Variants in NXPE2 observed in about 807,000 individuals in gnomAD.
The protein encoded by NXPE2 is neurexophilin and PC-esterase domain family member 2, also known as NXPE family member 2.
NXPE2 carries 34 observed loss-of-function variants against 34.4 expected under a neutral mutation model. That is an observed-to-expected ratio of 0.99 (90% CI 0.75 to 1.31). The LOEUF is 1.31. NXPE2 is among the 40% of genes most tolerant of loss of function. The pLI is 0.00. For missense variants in NXPE2, 649 were observed against 672.5 expected, an observed-to-expected ratio of 0.97 and a Z score of 0.39; for synonymous variants, 235 against 231.3, an observed-to-expected ratio of 1.02 and a Z score of -0.15.
At chr11:114,686,341 T>C (rs556157951) in intron 2 of NXPE2, among the ~76,000 whole-genome samples, 14 of 152,268 alleles carry the variant, frequency 9.2e-5, no homozygotes, top group Admixed American at 5.9e-4. Flanking sequence ...AACGTTTAGC[T>C]CTCACTTATA....
chr11:114,658,275 A>G, the NXPE2 span, among the ~76,000 whole-genome samples: 1 of 152,242 alleles, frequency 6.6e-6, no homozygotes, highest in Non-Finnish European at 1.5e-5. Flanking sequence ...ATGAACTGCC[A>G]TATAAACAGG....
the NXPE2 span, chr11:114,581,767 T>C: frequency 6.2e-7 from 1 of 1,610,714 alleles, no homozygotes; most frequent in Non-Finnish European, 8.5e-7. Flanking sequence ...TTTTCCATAA[T>C]CTCTACACCC....
the NXPE2 span, among the ~76,000 whole-genome samples, chr11:114,505,387 T>C: frequency 1.1e-4 from 16 of 152,074 alleles, no homozygotes; most frequent in African/African-American, 3.6e-4. Flanking sequence ...CCCAGTAAAA[T>C]ACTTCACAAA....
chr11:114,535,416 A>G, the NXPE2 span, among the ~76,000 whole-genome samples: 25 of 152,218 alleles, frequency 1.6e-4, no homozygotes, highest in Non-Finnish European at 5.9e-5. Context: ...GACAGGATCA[A>G]ATTCACACAT....
the NXPE2 span, among the ~76,000 whole-genome samples, chr11:114,596,680 A>G: frequency 6.6e-6 from 1 of 152,084 alleles, no homozygotes; most frequent in Admixed American, 6.6e-5. Flanking sequence ...TAAATTTTTC[A>G]CTGAGGAGCC....
the NXPE2 span, among the ~76,000 whole-genome samples, chr11:114,763,209 A>G: frequency 6.6e-6 from 1 of 152,114 alleles, no homozygotes; most frequent in Non-Finnish European, 1.5e-5. Flanking sequence ...GACTTCTACT[A>G]TTTGTTCCCT....
At chr11:114,480,046 A>T in the NXPE2 span, among the ~76,000 whole-genome samples, 1 of 152,124 alleles carries the variant, frequency 6.6e-6, no homozygotes, top group African/African-American at 2.4e-5. Flanking sequence ...TGGGGAGCAC[A>T]CCAAGCCATT....
chr11:114,489,007 T>TA, the NXPE2 span, among the ~76,000 whole-genome samples: 1 of 151,898 alleles, frequency 6.6e-6, no homozygotes, highest in Non-Finnish European at 1.5e-5. Context: ...ATAGACGCAA[T>TA]AAAAAATGAC....
At chr11:114,792,311 C>G in the NXPE2 span, among the ~76,000 whole-genome samples, 3 of 152,106 alleles carry the variant, frequency 2.0e-5, no homozygotes, top group African/African-American at 7.2e-5. Flanking sequence ...AGAGCTGTCT[C>G]CTTGGGTTTT....
chr11:114,501,317 G>A, the NXPE2 span, among the ~76,000 whole-genome samples: 1 of 152,110 alleles, frequency 6.6e-6, no homozygotes. Flanking sequence ...ATTGCTCTAA[G>A]CACTACCCCT....
intron 2 of NXPE2, among the ~76,000 whole-genome samples, chr11:114,684,621 A>C (rs1401817093): frequency 6.6e-6 from 1 of 152,070 alleles, no homozygotes; most frequent in African/African-American, 2.4e-5. Context: ...GCACATGGGA[A>C]GGAAGAGGAC....
At chr11:114,704,121 A>C in intron 4 of NXPE2, 69 bp downstream of exon 4, 1 of 1,127,548 alleles carries the variant, frequency 8.9e-7, no homozygotes, top group South Asian at 1.4e-5. Context: ...TTACTTAGAG[A>C]TATTTATTCC....
the NXPE2 span, among the ~76,000 whole-genome samples, chr11:114,722,326 A>G: frequency 1.3e-5 from 2 of 152,114 alleles, no homozygotes; most frequent in South Asian, 4.2e-4. Context: ...GGCTGCCACC[A>G]TGTAATACAT....
the NXPE2 span, chr11:114,552,182 G>C: frequency 6.6e-6 from 1 of 152,132 alleles, no homozygotes; most frequent in Non-Finnish European, 1.5e-5. Flanking sequence ...ACAAGATATA[G>C]TACACAGTTG....
the NXPE2 span, among the ~76,000 whole-genome samples, chr11:114,622,718 G>A: frequency 4.0e-5 from 6 of 150,440 alleles, no homozygotes; most frequent in Admixed American, 6.6e-5. Context: ...TGGATAATAC[G>A]TGTTCCCTCG....
the NXPE2 span, chr11:114,518,220 G>T: frequency 6.6e-6 from 1 of 152,174 alleles, no homozygotes; most frequent in East Asian, 1.9e-4. Flanking sequence ...GAATCACTGT[G>T]CTCAGCAACA....
chr11:114,603,196 G>A, the NXPE2 span, among the ~76,000 whole-genome samples: 2 of 151,662 alleles, frequency 1.3e-5, no homozygotes, highest in African/African-American at 4.8e-5. Context: ...GTATTGCCTC[G>A]TCTCCTAGGT....
chr11:114,651,914 A>G, the NXPE2 span, among the ~76,000 whole-genome samples: 1 of 152,212 alleles, frequency 6.6e-6, no homozygotes, highest in East Asian at 1.9e-4. Flanking sequence ...AACAGAAACC[A>G]TAAACAAAAC....
the NXPE2 span, chr11:114,553,948 G>A: frequency 1.0e-6 from 1 of 985,390 alleles, no homozygotes; most frequent in African/African-American, 1.7e-5. Flanking sequence ...GGGAGAGCAG[G>A]TTTGTCAGTA....
Sources: gnomAD v4.1 joint callset for allele counts (sites outside exome capture counted in the v4.1 genomes callset) on GRCh38, gnomAD v4.1.1 for gene constraint, MANE v1.5 for transcripts, NCBI Gene and HGNC (gene_info 2026-07-23, HGNC 2026-07-21) for gene names.